The following TJP2 variants were observed in gnomAD, a reference collection of about 807,000 sequenced individuals.
TJP2 encodes the protein Friedreich ataxia region gene X104 (tight junction protein ZO-2).
In TJP2, 91 loss-of-function variants were observed where a neutral mutation model predicts 133.1. The observed-to-expected ratio is 0.68, with a 90% confidence interval of 0.58 to 0.81. TJP2 has a LOEUF of 0.81. TJP2 is among the 40% of genes least tolerant of loss of function. The pLI is 0.00. For missense variants in TJP2, 1,541 were observed against 1,565.6 expected, an observed-to-expected ratio of 0.98 and a Z score of 0.26; for synonymous variants, 592 against 583.4, an observed-to-expected ratio of 1.01 and a Z score of -0.21.
rs562612961 is a variant in TJP2 at position 69,252,966 on chromosome 9, G to A, written c.3407+66G>A. The A allele has an allele frequency of 2.2e-4, 325 of 1,494,302 alleles. 2 individuals are homozygous for A. The African/African-American group carries it at 4.1e-3, about 19-fold the overall frequency. The allele number at this position is 1,494,302 out of a possible 1,614,324, so 92.6% of individuals were successfully genotyped here. A position where few individuals can be genotyped will look rare whatever the true frequency, so the allele number is the denominator to read the frequency against. ...TCTCAAGGACTGGGACTTGAAGAAAGAATTTCCTTTACCCAAATTTCAGAG... is the reference window on the plus strand; with the variant it reads ...TCTCAAGGACTGGGACTTGAAGAAAAAATTTCCTTTACCCAAATTTCAGAG... On this transcript the variant is annotated intron_variant, in intron 22 of 22. Transcript: ENST00000377245.
intron 1 of TJP2, among the ~76,000 whole-genome samples, chr9:69,141,415 G>T (rs1034617780): frequency 6.6e-6 from 1 of 151,880 alleles, no homozygotes; most frequent in Non-Finnish European, 1.5e-5. Flanking sequence ...GTTTTCCACC[G>T]CCCACTCCAG....
intron 1 of TJP2, among the ~76,000 whole-genome samples, chr9:69,188,125 TG>T (rs1217317970): frequency 6.6e-6 from 1 of 152,106 alleles, no homozygotes; most frequent in African/African-American, 2.4e-5. Context: ...ATGTGTTAAG[TG>T]GAACTTCTGA....
intron 20 of TJP2, among the ~76,000 whole-genome samples, chr9:69,249,907 T>A (rs537530245): frequency 6.6e-6 from 1 of 152,312 alleles, no homozygotes; most frequent in East Asian, 1.9e-4. Context: ...AAGAGAATAA[T>A]CATCACCACT....
At chr9:69,219,582 A>G (rs886188870) in intron 4 of TJP2, among the ~76,000 whole-genome samples, 2 of 152,140 alleles carry the variant, frequency 1.3e-5, no homozygotes, top group African/African-American at 4.8e-5. Flanking sequence ...TCCAGTCCAT[A>G]TCTCAAGATG....
At chr9:69,210,220 C>G (rs1827764231) in intron 1 of TJP2, among the ~76,000 whole-genome samples, 2 of 144,362 alleles carry the variant, frequency 1.4e-5, no homozygotes, top group South Asian at 4.4e-4. Context: ...ACCCAGGAGG[C>G]AGAGGTTGCA....
chr9:69,147,011 T>C (rs1823241552), intron 1 of TJP2, among the ~76,000 whole-genome samples: 1 of 152,184 alleles, frequency 6.6e-6, no homozygotes, highest in Non-Finnish European at 1.5e-5. Context: ...ATTATATTAT[T>C]GTTATTCTAC....
intron 1 of TJP2, among the ~76,000 whole-genome samples, chr9:69,202,768 G>T (rs1194341773): frequency 2.0e-5 from 3 of 152,110 alleles, no homozygotes; most frequent in African/African-American, 7.2e-5. Flanking sequence ...AGAGGTGGAG[G>T]AGGTGAAGGG....
chr9:69,142,933 ATAAT>A (rs1288853750), intron 1 of TJP2, among the ~76,000 whole-genome samples: 1 of 152,262 alleles, frequency 6.6e-6, no homozygotes, highest in Non-Finnish European at 1.5e-5. Context: ...ATATTTCTAA[ATAAT>A]TTCTAGAATT....
intron 2 of TJP2, among the ~76,000 whole-genome samples, chr9:69,166,350 A>G (rs1824356793): frequency 6.6e-6 from 1 of 151,860 alleles, no homozygotes; most frequent in Non-Finnish European, 1.5e-5. Context: ...CAATCCTCCC[A>G]TCTTGGCCTC....
intron 1 of TJP2, chr9:69,205,393 C>T: frequency 1.4e-6 from 2 of 1,418,326 alleles, no homozygotes; most frequent in Non-Finnish European, 1.9e-6. Context: ...GTTGTAGTCA[C>T]TGGTGGGTTT....
chr9:69,174,064 C>A (rs1446579510), upstream of TJP2: 3 of 1,086,886 alleles, frequency 2.8e-6, no homozygotes, highest in African/African-American at 1.7e-5. Context: ...TGACGCGGTT[C>A]GCCGCAGGAG....
intron 1 of TJP2, among the ~76,000 whole-genome samples, chr9:69,196,574 T>C (rs1053038043): frequency 2.6e-5 from 4 of 151,454 alleles, no homozygotes; most frequent in Non-Finnish European, 4.4e-5. Context: ...ATCCACACTT[T>C]CTGACTACAG....
intron 1 of TJP2, among the ~76,000 whole-genome samples, chr9:69,200,723 T>C (rs1243539885): frequency 6.6e-6 from 1 of 152,128 alleles, no homozygotes; most frequent in East Asian, 1.9e-4. Flanking sequence ...GTAGTTGCTA[T>C]AACCCCACCA....
At chr9:69,234,362 T>C in intron 11 of TJP2, 77 bp from the exon 12 acceptor site, 7 of 1,257,178 alleles carry the variant, frequency 5.6e-6, no homozygotes, top group Non-Finnish European at 6.6e-6. Flanking sequence ...ACTATAAACT[T>C]CTCTGTTTTT....
chr9:69,214,842 T>C (rs977279627), intron 2 of TJP2, among the ~76,000 whole-genome samples: 17 of 134,826 alleles, frequency 1.3e-4, no homozygotes, highest in African/African-American at 4.8e-4. Flanking sequence ...CACTCCAGCC[T>C]GGCAACAGAG....
At chr9:69,200,237 T>C (rs4745688) in intron 1 of TJP2, among the ~76,000 whole-genome samples, 140,579 of 152,202 alleles carry the variant, frequency 0.92, 64,918 homozygotes, top group Middle Eastern at 0.95. Context: ...CTATGCAGAA[T>C]GCCCACCCAC....
Position 69,238,768 on chromosome 9 carries a change from C to A in TJP2, c.2334C>A (p.Thr778=). The A allele has an allele frequency of 6.2e-7, 1 of 1,613,694 alleles. No individual in the cohort carries two copies. The highest frequency in any genetic ancestry group is 1.1e-5 in the South Asian group (1 of 91,044). ...EKSTGVVRLN[T]VRQIIEQDKH... is the part of the protein sequence containing the mutation. Reference sequence around the variant, plus strand: ...CCACTGGAGTGGTCCGGTTAAATACCGTGAGGCAAATTATTGAACAGGTGA... The same window carrying A: ...CCACTGGAGTGGTCCGGTTAAATACAGTGAGGCAAATTATTGAACAGGTGA... Residue 778 remains threonine (T), a synonymous_variant, in exon 16 of 23, where the codon ACC becomes ACA. Transcript: ENST00000377245.
At position 69,234,547 on chromosome 9, in the gene TJP2, G is replaced by C. The variant is rs1335481158; in HGVS notation, c.1780G>C (p.Val594Leu). The change falls in exon 12 of 23, where the codon GTG becomes CTG. Residue 594 changes from valine (V) to leucine (L), a missense_variant and splice_region_variant. Physicochemically the swap from Val to Leu is conservative, Grantham distance 32 (BLOSUM62 1). Transcript: ENST00000377245. The part of the protein sequence containing the change: ...VTILAQSRAD[V>L]YRDILACGRG... ...CATTTTAGCTCAGAGCCGAGCCGAT[G>C]GTGAGCAAATTTGGTCATTTAGTTT... 2 of 1,468,758 alleles carry C rather than the reference G, an allele frequency of 1.4e-6. No homozygotes were observed. Among genetic ancestry groups the C allele is most frequent in the Non-Finnish European group, 1.8e-6 (2 of 1,084,668 alleles). 91.0% of individuals were successfully genotyped at this position (1,468,758 alleles called of 1,614,324 possible).
chr9:69,156,219 G>T (rs1460998512), intron 2 of TJP2, among the ~76,000 whole-genome samples: 1 of 152,122 alleles, frequency 6.6e-6, no homozygotes, highest in Non-Finnish European at 1.5e-5. Flanking sequence ...ACAAAAATTA[G>T]CTGGGTATGT....
Sources: allele counts gnomAD v4.1 joint callset (sites outside exome capture counted in the v4.1 genomes callset), GRCh38; gene constraint gnomAD v4.1.1; transcripts MANE v1.5; gene names NCBI Gene and HGNC (gene_info 2026-07-23, HGNC 2026-07-21).